Variants in REEP1 observed in about 807,000 individuals in gnomAD.
The protein encoded by REEP1 is receptor expression-enhancing protein 1.
In REEP1, 22 loss-of-function variants were observed where a neutral mutation model predicts 40.3. The observed-to-expected ratio is 0.55, with a 90% confidence interval of 0.39 to 0.78. The LOEUF (loss-of-function observed/expected upper bound fraction) is 0.78, where lower values mean the gene tolerates loss of function less well. REEP1 is among the 30% of genes least tolerant of loss of function. The pLI, the probability that REEP1 is intolerant of heterozygous loss-of-function variation, is 0.00. For synonymous variants in REEP1, 116 were observed against 139.2 expected, an observed-to-expected ratio of 0.83 and a Z score of 1.17; for missense variants, 280 against 361.1, an observed-to-expected ratio of 0.78 and a Z score of 1.82.
At chr2:86,322,060 G>A (rs1483069932) in intron 1 of REEP1, among the ~76,000 whole-genome samples, 1 of 152,092 alleles carries the variant, frequency 6.6e-6, no homozygotes, top group East Asian at 1.9e-4. Context: ...TCCAACAGTT[G>A]GAAGATGAAA....
At chr2:86,221,381 G>T (rs1342874818) in intron 7 of REEP1, among the ~76,000 whole-genome samples, 2 of 152,160 alleles carry the variant, frequency 1.3e-5, no homozygotes, top group East Asian at 3.8e-4. Flanking sequence ...ATGTTCCTTT[G>T]ATTTTTAAAT....
At chr2:86,246,518 T>C (rs896961038) in intron 5 of REEP1, among the ~76,000 whole-genome samples, 2 of 152,170 alleles carry the variant, frequency 1.3e-5, no homozygotes, top group African/African-American at 2.4e-5. Context: ...TTTCGAGTTA[T>C]GAGACAAGTG....
At chr2:86,248,059 T>C (rs1444095226) in intron 5 of REEP1, among the ~76,000 whole-genome samples, 2 of 152,204 alleles carry the variant, frequency 1.3e-5, no homozygotes, top group African/African-American at 4.8e-5. Context: ...CATAGTTTCC[T>C]CCTAGAAAGT....
At chr2:86,306,480 C>T (rs1679484041) in intron 1 of REEP1, among the ~76,000 whole-genome samples, 1 of 152,138 alleles carries the variant, frequency 6.6e-6, no homozygotes, top group Admixed American at 6.5e-5. Context: ...CAAACTGTTA[C>T]CTAGTCTTTA....
At chr2:86,295,689 A>G (rs1262027607) in intron 1 of REEP1, among the ~76,000 whole-genome samples, 3 of 152,108 alleles carry the variant, frequency 2.0e-5, no homozygotes, top group East Asian at 3.9e-4. Flanking sequence ...ACAGGCGCCC[A>G]CCACCACGCC....
intron 3 of REEP1, among the ~76,000 whole-genome samples, chr2:86,258,706 C>G (rs549867545): frequency 2.6e-5 from 4 of 152,296 alleles, no homozygotes; most frequent in African/African-American, 9.6e-5. Flanking sequence ...CAGCCTACCT[C>G]GAGAGACAGA....
At chr2:86,222,495 C>T (rs183355523) in intron 7 of REEP1, among the ~76,000 whole-genome samples, 62 of 152,350 alleles carry the variant, frequency 4.1e-4, no homozygotes, top group Admixed American at 8.5e-4. Context: ...ATTTGCCTTA[C>T]TCTCAGAACC....
chr2:86,232,708 G>A lies in REEP1; in HGVS notation c.512C>T (p.Pro171Leu), dbSNP rs1269995809. The change falls in exon 6 of 9, where the codon CCA (proline) becomes CTA (leucine). Residue 171 changes from proline (P) to leucine (L), a missense_variant. By Grantham distance (98) the Pro-to-Leu change is moderately conservative. Coordinates refer to ENST00000538924, the MANE Select transcript of REEP1 (RefSeq NM_001371279.1). ...GCTGGCCCGCCCAGACCCCGGTGGTGGGGGGCCCGAGGGAGCAGGGGCGCC... is the reference window on the plus strand; with the variant it reads ...GCTGGCCCGCCCAGACCCCGGTGGTAGGGGGCCCGAGGGAGCAGGGGCGCC... ...GDGAPAPSGP[P>L]PPGSGRASGK... 1.9e-6 allele frequency: 3 copies of A among 1,610,868 alleles called. No homozygotes were observed. The highest frequency in any genetic ancestry group is 2.2e-5 in the South Asian group (2 of 91,078).
At chr2:86,249,392 A>G (rs1263802858) in intron 5 of REEP1, among the ~76,000 whole-genome samples, 1 of 152,118 alleles carries the variant, frequency 6.6e-6, no homozygotes, top group Non-Finnish European at 1.5e-5. Flanking sequence ...TGCTTTCCTC[A>G]TTCTCAAGGT....
chr2:86,298,137 T>G (rs1391421340), intron 1 of REEP1, among the ~76,000 whole-genome samples: 1 of 152,180 alleles, frequency 6.6e-6, no homozygotes, highest in Admixed American at 6.5e-5. Context: ...GGGAAGGGCA[T>G]GCTAGGCTGT....
chr2:86,337,971 G>A (rs1213848749), upstream of REEP1: 6 of 1,469,888 alleles, frequency 4.1e-6, no homozygotes, highest in Non-Finnish European at 5.5e-6. The surrounding 1 kb of genome is among the most constrained non-coding windows in gnomAD (Gnocchi z 5.8). Flanking sequence ...CTGTCTAGGT[G>A]GGATGCTGTC....
Position 86,274,971 on chromosome 2 carries a change from C to A in REEP1, c.105+7199G>T, listed in dbSNP as rs1677672263. Among the ~76,000 whole-genome samples, 2 of 152,192 alleles carry A rather than the reference C, an allele frequency of 1.3e-5. 1 individual carries two copies. Among genetic ancestry groups the A allele is most frequent in the South Asian group, 4.1e-4 (2 of 4,826 alleles). On this transcript the variant is annotated intron_variant, in intron 2 of 8. Coordinates refer to ENST00000538924, the MANE Select transcript of REEP1 (RefSeq NM_001371279.1). The stretch of plus-strand genomic sequence containing the variant: ...CACTGCCAGAGCTTCTGGCAGCCTG[C>A]CAAAGGCCTCCCTATGGGCTGCAGA...
chr2:86,278,724 A>C (rs1677900355), intron 2 of REEP1, among the ~76,000 whole-genome samples: 1 of 152,184 alleles, frequency 6.6e-6, no homozygotes, highest in Non-Finnish European at 1.5e-5. Flanking sequence ...CAAAAGCACA[A>C]GCAGCCAGTG....
rs371127725 is a variant in REEP1, at chr2:86,249,685, G to A, written c.417+2272C>T. On this transcript the variant is annotated intron_variant, in intron 5 of 8. Coordinates refer to ENST00000538924, the MANE Select transcript of REEP1 (RefSeq NM_001371279.1). The stretch of plus-strand genomic sequence containing the variant: ...ATGCAAGCCAGATTTGGACCCACTG[G>A]TGAGTCATCATCCTTTGACCAAGGC... 5.9e-5 allele frequency among the ~76,000 whole-genome samples: 9 copies of A among 152,228 alleles called. No homozygotes were observed. In the East Asian group the frequency reaches 1.7e-3, roughly 29 times the overall value.
intron 1 of REEP1, among the ~76,000 whole-genome samples, chr2:86,304,494 A>G (rs1367424401): frequency 2.6e-5 from 4 of 152,176 alleles, no homozygotes; most frequent in African/African-American, 9.7e-5. Context: ...CAATGCTTCA[A>G]TCCTTTGCAT....
chr2:86,241,845 G>GTAA (rs1675680933), intron 5 of REEP1, among the ~76,000 whole-genome samples: 1 of 152,206 alleles, frequency 6.6e-6, no homozygotes, highest in African/African-American at 2.4e-5. Context: ...GGGTGGAAGA[G>GTAA]GAAGAAGAAG....
chr2:86,231,095 G>A (rs1391192302), intron 6 of REEP1, among the ~76,000 whole-genome samples: 3 of 152,224 alleles, frequency 2.0e-5, no homozygotes, highest in African/African-American at 4.8e-5. Context: ...AGAAGGCCAC[G>A]CTCTACTGCA....
chr2:86,287,546 A>T (rs757329610), intron 1 of REEP1, among the ~76,000 whole-genome samples: 3 of 152,246 alleles, frequency 2.0e-5, no homozygotes, highest in Non-Finnish European at 2.9e-5. Context: ...TATAATTTTG[A>T]ATTATGTTTT....
chr2:86,243,487 C>T (rs931843957), intron 5 of REEP1, among the ~76,000 whole-genome samples: 2 of 152,186 alleles, frequency 1.3e-5, no homozygotes, highest in East Asian at 3.9e-4. Context: ...GAATTCCTGG[C>T]CCTTCCTCTT....
Sources: gnomAD v4.1 joint callset for allele counts (sites outside exome capture counted in the v4.1 genomes callset) on GRCh38, gnomAD v4.1.1 for gene constraint, Gnocchi (gnomAD v3.1) non-coding constraint, MANE v1.5 for transcripts, NCBI Gene and HGNC (gene_info 2026-07-23, HGNC 2026-07-21) for gene names.